ELAVL2: variants seen among roughly 807,000 people sequenced by gnomAD.
ELAVL2 encodes ELAV-like protein 2.
A neutral mutation model predicts 34.6 loss-of-function variants in ELAVL2; 4 were observed. The observed-to-expected ratio is 0.12, with a 90% CI of 0.06 to 0.26. The LOEUF (loss-of-function observed/expected upper bound fraction) is 0.26, where lower values mean the gene tolerates loss of function less well. Among genes scored for constraint, ELAVL2 ranks in the 10% least tolerant of loss-of-function variants. ELAVL2 has a pLI of 1.00. For missense variants in ELAVL2, 432 were observed against 442.8 expected, an observed-to-expected ratio of 0.98 and a Z score of 0.22; for synonymous variants, 193 against 154.8, an observed-to-expected ratio of 1.25 and a Z score of -1.83.
chr9:23,725,591 T>G (rs1299938523), intron 3 of ELAVL2, among the ~76,000 whole-genome samples: 1 of 152,150 alleles, frequency 6.6e-6, no homozygotes, highest in Admixed American at 6.6e-5. Flanking sequence ...CTGGCCAGTA[T>G]TAACTTTTAT....
chr9:23,819,282 C>A (rs1360727253), intron 1 of ELAVL2, among the ~76,000 whole-genome samples: 4 of 152,142 alleles, frequency 2.6e-5, no homozygotes, highest in Non-Finnish European at 5.9e-5. Context: ...ACCACTGAAA[C>A]TGGGACAGAA....
chr9:23,761,293 A>G (rs2054937426), intron 2 of ELAVL2, among the ~76,000 whole-genome samples: 1 of 152,074 alleles, frequency 6.6e-6, no homozygotes, highest in African/African-American at 2.4e-5. Flanking sequence ...TAGTGTTTGA[A>G]AACAACTCCT....
the ELAVL2 span, among the ~76,000 whole-genome samples, chr9:23,841,854 T>C: frequency 6.6e-6 from 1 of 152,198 alleles, no homozygotes; most frequent in Admixed American, 6.5e-5. Context: ...ATTTTTAATG[T>C]ATTTAACTTT....
chr9:23,728,077 C>T (rs1399524961), intron 3 of ELAVL2, among the ~76,000 whole-genome samples: 3 of 151,930 alleles, frequency 2.0e-5, no homozygotes, highest in African/African-American at 7.3e-5. Context: ...TTGTTTGAGT[C>T]GCAGCTCTTT....
At chr9:23,704,151 T>TTTTTTTTTTTTTTTTTTTTTTTTTTTTGA (rs1473637219) in intron 4 of ELAVL2, among the ~76,000 whole-genome samples, 41 of 151,792 alleles carry the variant, frequency 2.7e-4, no homozygotes, top group African/African-American at 9.2e-4. Flanking sequence ...ACGCTGGTCT[T>TTTTTTTTTTTTTTTTTTTTTTTTTTTTGA]GAACTCCCAG....
At chr9:23,766,249 C>G (rs898578057) in intron 1 of ELAVL2, among the ~76,000 whole-genome samples, 1 of 152,134 alleles carries the variant, frequency 6.6e-6, no homozygotes, top group Non-Finnish European at 1.5e-5. Flanking sequence ...TTTTACTCTT[C>G]TTCCGTTCTC....
At chr9:23,723,237 AG>A in intron 3 of ELAVL2, among the ~76,000 whole-genome samples, 1 of 152,200 alleles carries the variant, frequency 6.6e-6, no homozygotes, top group Non-Finnish European at 1.5e-5. Flanking sequence ...AATACTATGC[AG>A]CCATAAAAAA....
chr9:23,704,877 C>CA (rs1450741423), intron 4 of ELAVL2, 41 bp downstream of exon 4: 1 of 1,607,624 alleles, frequency 6.2e-7, no homozygotes, highest in Admixed American at 1.7e-5. Context: ...ATCTGCTAGT[C>CA]AGAGACAGGG....
chr9:23,820,102 A>C (rs7048900), intron 1 of ELAVL2, among the ~76,000 whole-genome samples: 2,415 of 149,860 alleles, frequency 0.016, 59 homozygotes, highest in African/African-American at 0.052. Flanking sequence ...ACTCCAGGTC[A>C]GCTTCCACAA....
the ELAVL2 span, among the ~76,000 whole-genome samples, chr9:23,833,312 T>C: frequency 6.6e-6 from 1 of 151,864 alleles, no homozygotes; most frequent in Non-Finnish European, 1.5e-5. Context: ...TTCTGCTTGT[T>C]AGAAAACAAG....
chr9:23,798,895 A>C (rs543872138), intron 1 of ELAVL2, among the ~76,000 whole-genome samples: 2 of 152,208 alleles, frequency 1.3e-5, no homozygotes, highest in African/African-American at 4.8e-5. Context: ...TGTTTTTTAT[A>C]GATAGATATA....
intron 4 of ELAVL2, 98 bp from the exon 5 acceptor site, chr9:23,701,702 G>T: frequency 8.0e-7 from 1 of 1,246,614 alleles, no homozygotes; most frequent in Non-Finnish European, 1.1e-6. Flanking sequence ...TCAAGAACAT[G>T]TTTTCACCTA....
intron 1 of ELAVL2, among the ~76,000 whole-genome samples, chr9:23,782,533 C>T (rs1452023042): frequency 6.6e-6 from 1 of 152,048 alleles, no homozygotes; most frequent in African/African-American, 2.4e-5. Flanking sequence ...GATCCTGCCA[C>T]CACACTCCAG....
At chr9:23,774,816 A>G (rs1031029107) in intron 1 of ELAVL2, among the ~76,000 whole-genome samples, 10 of 152,092 alleles carry the variant, frequency 6.6e-5, no homozygotes, top group African/African-American at 2.2e-4. Flanking sequence ...TCAGATTTAC[A>G]ATACAGAGAA....
At chr9:23,764,570 TG>T (rs1160287346) in intron 1 of ELAVL2, among the ~76,000 whole-genome samples, 1 of 152,194 alleles carries the variant, frequency 6.6e-6, no homozygotes, top group Non-Finnish European at 1.5e-5. Context: ...CAACAGTTAC[TG>T]GGCAAATAAT....
At chr9:23,840,320 TTTTTC>T in the ELAVL2 span, among the ~76,000 whole-genome samples, 1 of 152,180 alleles carries the variant, frequency 6.6e-6, no homozygotes, top group African/African-American at 2.4e-5. Flanking sequence ...CTGTGAGGTT[TTTTTC>T]TTTTCAAGTA....
chr9:23,795,708 A>T (rs144657726), intron 1 of ELAVL2, among the ~76,000 whole-genome samples: 9 of 152,312 alleles, frequency 5.9e-5, no homozygotes, highest in African/African-American at 1.9e-4. Flanking sequence ...ATTAAAATGG[A>T]ATTTAAAATC....
At chr9:23,752,753 C>T (rs541006934) in intron 2 of ELAVL2, among the ~76,000 whole-genome samples, 7 of 152,276 alleles carry the variant, frequency 4.6e-5, no homozygotes, top group African/African-American at 1.7e-4. Flanking sequence ...CCATACCCAG[C>T]CAAGGAACTC....
chr9:23,742,461 C>G (rs545266249), intron 2 of ELAVL2, among the ~76,000 whole-genome samples: 2 of 152,204 alleles, frequency 1.3e-5, no homozygotes, highest in East Asian at 3.9e-4. Context: ...ATGGTGACAT[C>G]AAGTTAGAAA....
Sources: allele counts gnomAD v4.1 joint callset (sites outside exome capture counted in the v4.1 genomes callset), GRCh38; gene constraint gnomAD v4.1.1; transcripts MANE v1.5; gene names NCBI Gene and HGNC (gene_info 2026-07-23, HGNC 2026-07-21).